Variants in EPHA3 observed in about 807,000 individuals in gnomAD.
EPHA3 encodes the protein ephrin type-A receptor 3.
A neutral mutation model predicts 107.1 loss-of-function variants in EPHA3; 42 were observed. The observed-to-expected ratio is 0.39, with a 90% CI of 0.31 to 0.51. The LOEUF (loss-of-function observed/expected upper bound fraction) is 0.51, where lower values mean the gene tolerates loss of function less well. EPHA3 is among the 20% of genes least tolerant of loss of function. The pLI, the probability that EPHA3 is intolerant of heterozygous loss-of-function variation, is 0.78. For missense variants in EPHA3, 1,183 were observed against 1,211.2 expected (o/e 0.98, Z 0.35); for synonymous variants, 461 against 424.8 (o/e 1.09, Z -1.05).
intron 2 of EPHA3, among the ~76,000 whole-genome samples, chr3:89,170,270 A>G (rs1376464532): frequency 5.9e-5 from 9 of 151,884 alleles, no homozygotes; most frequent in East Asian, 5.8e-4. Flanking sequence ...AAAAAAAAAA[A>G]AGAGATTATA....
In EPHA3 at chr3:89,178,993, G is replaced by A. The variant is rs994898886; in HGVS notation, c.154-30867G>A. Among the ~76,000 whole-genome samples, 8 of 151,536 alleles carry A rather than the reference G, an allele frequency of 5.3e-5. No homozygotes were observed. The East Asian group carries it at 1.5e-3, about 29-fold the overall frequency. On this transcript the variant is annotated intron_variant, in intron 2 of 16. Coordinates refer to ENST00000336596, the MANE Select transcript of EPHA3 (RefSeq NM_005233.6). ...GATGTATATTATATTATTAATGTGG[G>A]ATGTTTTTCTAAAAGCAAAATGGTA...
rs1710621235 is a variant in EPHA3 at position 89,481,503 on chromosome 3, C to T, written c.*2001C>T. ...GAATGTGGTTTCAATCTAATTTTTT[C>T]CCAGACTACTATTTTCTTTTTTAGG... is the stretch of plus-strand genomic sequence containing the variant. On this transcript the variant is annotated 3_prime_UTR_variant, in exon 17 of 17. Transcript: ENST00000336596. The T allele has an allele frequency of 8.6e-6, 2 of 232,102 alleles. No individual in the cohort carries two copies. Among genetic ancestry groups the T allele is most frequent in the South Asian group, 3.6e-4 (2 of 5,516 alleles). 14.4% of individuals were successfully genotyped at this position (232,102 alleles called of 1,614,324 possible). A position where few individuals can be genotyped will look rare whatever the true frequency, so the allele number is the denominator to read the frequency against.
At position 89,431,285 on chromosome 3, in the gene EPHA3, T is replaced by C; in HGVS notation, c.2272T>C (p.Leu758=). ...AARNILINSN[L]VCKVSDFGLS... ...TCGGAACATCTTGATCAACAGTAACTTGGTGTGTAAGGTTTCTGATTTCGG... is the reference window on the plus strand; with the variant it reads ...TCGGAACATCTTGATCAACAGTAACCTGGTGTGTAAGGTTTCTGATTTCGG... Residue 758 remains leucine (L), a synonymous_variant, in exon 13 of 17, where the codon TTG becomes CTG. Transcript: ENST00000336596. The C allele has an allele frequency of 6.2e-7, 1 of 1,613,758 alleles. No homozygotes were observed. The highest frequency in any genetic ancestry group is 1.1e-5 in the South Asian group (1 of 91,068).
At chr3:89,380,855 G>A (rs112815171) in intron 5 of EPHA3, among the ~76,000 whole-genome samples, 4 of 149,416 alleles carry the variant, frequency 2.7e-5, no homozygotes, top group African/African-American at 7.4e-5. Flanking sequence ...CGCAACCTCC[G>A]CCTCCTGGGT....
At chr3:89,158,691 C>G (rs1286444301) in intron 2 of EPHA3, among the ~76,000 whole-genome samples, 1 of 151,988 alleles carries the variant, frequency 6.6e-6, no homozygotes, top group Non-Finnish European at 1.5e-5. Flanking sequence ...GCTTCTCAAA[C>G]ATATTTTACA....
chr3:89,235,043 C>T (rs546115172), intron 3 of EPHA3, among the ~76,000 whole-genome samples: 104 of 143,832 alleles, frequency 7.2e-4, no homozygotes, highest in African/African-American at 2.4e-3. Flanking sequence ...CCCTCCCTCC[C>T]TCTCTCCCTC....
chr3:89,151,215 A>C (rs1294005805), intron 2 of EPHA3, among the ~76,000 whole-genome samples: 1 of 152,108 alleles, frequency 6.6e-6, no homozygotes, highest in Non-Finnish European at 1.5e-5. Flanking sequence ...GTCTACTCTC[A>C]AATCCATTAT....
intron 11 of EPHA3, among the ~76,000 whole-genome samples, chr3:89,421,023 A>G (rs113782478): frequency 6.6e-5 from 10 of 151,424 alleles, no homozygotes; most frequent in Non-Finnish European, 1.2e-4. Context: ...TAGAGGTAGC[A>G]CTGGGAACTT....
chr3:89,122,977 A>G (rs1481261162), intron 1 of EPHA3, among the ~76,000 whole-genome samples: 1 of 152,172 alleles, frequency 6.6e-6, no homozygotes, highest in Non-Finnish European at 1.5e-5. Flanking sequence ...ATAGGAAAGG[A>G]AGAGAGAGGA....
At chr3:89,155,682 A>G (rs540235823) in intron 2 of EPHA3, among the ~76,000 whole-genome samples, 2 of 152,226 alleles carry the variant, frequency 1.3e-5, no homozygotes, top group African/African-American at 4.8e-5. Context: ...CTGTTTTACA[A>G]TTACGTTTTA....
chr3:89,219,688 G>GTGTTTTTTTTTGTTT, intron 3 of EPHA3, among the ~76,000 whole-genome samples: 1,652 of 34,430 alleles, frequency 0.048, 686 homozygotes, highest in East Asian at 0.093. Context: ...ATTTGGCAAT[G>GTGTTTTTTTTTGTTT]TTTTTTTTTT....
intron 3 of EPHA3, among the ~76,000 whole-genome samples, chr3:89,218,917 T>C (rs1321715781): frequency 6.6e-6 from 1 of 152,186 alleles, no homozygotes; most frequent in African/African-American, 2.4e-5. Flanking sequence ...TGGAAGTCGG[T>C]GTGGCGATTC....
chr3:89,118,009 C>T (rs1212667646), intron 1 of EPHA3, among the ~76,000 whole-genome samples: 1 of 151,822 alleles, frequency 6.6e-6, no homozygotes, highest in Non-Finnish European at 1.5e-5. Context: ...TAAACACCAC[C>T]AAATCTAGTA....
intron 2 of EPHA3, among the ~76,000 whole-genome samples, chr3:89,146,979 A>G (rs1261603094): frequency 6.6e-6 from 1 of 151,968 alleles, no homozygotes; most frequent in African/African-American, 2.4e-5. Flanking sequence ...AATGTGGTAT[A>G]TATACACAAT....
chr3:89,279,419 CATTA>C (rs1705889124), intron 3 of EPHA3, among the ~76,000 whole-genome samples: 2 of 151,950 alleles, frequency 1.3e-5, no homozygotes, highest in Admixed American at 6.6e-5. Flanking sequence ...TGTTTGCCAT[CATTA>C]ATTAATTTTA....
Position 89,219,688 on chromosome 3 carries a change from G to GTGTTTTTTTTTTTTTTTTTTTTT in EPHA3, c.814+9169_814+9170insGTTTTTTTTTTTTTTTTTTTTTT. Among the ~76,000 whole-genome samples the GTGTTTTTTTTTTTTTTTTTTTTT allele has an allele frequency of 3.2e-3, 109 of 34,440 alleles. 38 individuals carry two copies. Among genetic ancestry groups the GTGTTTTTTTTTTTTTTTTTTTTT allele is most frequent in the Non-Finnish European group, 4.2e-3 (81 of 19,124 alleles). The allele number at this position is 34,440 out of a possible 152,430, so 22.6% of individuals were successfully genotyped here. On this transcript the variant is annotated intron_variant, in intron 3 of 16. Coordinates refer to ENST00000336596, the MANE Select transcript of EPHA3 (RefSeq NM_005233.6). ...TTACCTCCAAGAGGCATTTGGCAATGTTTTTTTTTTTTTTGTTTTTTGTTT... is the reference window on the plus strand; with the variant it reads ...TTACCTCCAAGAGGCATTTGGCAATGTGTTTTTTTTTTTTTTTTTTTTTTTTTTTTTTTTTTTGTTTTTTGTTT...
At chr3:89,226,786 A>T (rs1704512707) in intron 3 of EPHA3, among the ~76,000 whole-genome samples, 1 of 152,106 alleles carries the variant, frequency 6.6e-6, no homozygotes, top group African/African-American at 2.4e-5. Context: ...TATCATGTAG[A>T]AAACCAGTCC....
intron 7 of EPHA3, among the ~76,000 whole-genome samples, chr3:89,405,982 G>A (rs1345391500): frequency 6.6e-6 from 1 of 152,070 alleles, no homozygotes; most frequent in Non-Finnish European, 1.5e-5. Context: ...ATTTTCCTAT[G>A]CAAAACTTTT....
chr3:89,365,869 G>A (rs1273015215), intron 5 of EPHA3, among the ~76,000 whole-genome samples: 1 of 150,736 alleles, frequency 6.6e-6, no homozygotes, highest in Non-Finnish European at 1.5e-5. Context: ...AAATGCATGG[G>A]TATTTTTTCT....
Sources: gnomAD v4.1 joint callset for allele counts (sites outside exome capture counted in the v4.1 genomes callset) on GRCh38, gnomAD v4.1.1 for gene constraint, MANE v1.5 for transcripts, NCBI Gene and HGNC (gene_info 2026-07-23, HGNC 2026-07-21) for gene names.